Variants in OR2L13 observed in about 807,000 individuals in gnomAD.
OR2L13 encodes olfactory receptor 2L13.
OR2L13 carries 14 observed loss-of-function variants against 15.3 expected under a neutral mutation model. The observed-to-expected ratio is 0.91, with a 90% CI of 0.60 to 1.43. The LOEUF (loss-of-function observed/expected upper bound fraction) is 1.43, where lower values mean the gene tolerates loss of function less well. Among genes scored for constraint, OR2L13 ranks in the 40% most tolerant of loss-of-function variants. OR2L13 has a pLI of 0.00. For missense variants in OR2L13, 367 were observed against 387.9 expected (o/e 0.95, Z 0.45); for synonymous variants, 152 against 142.9 (o/e 1.06, Z -0.45).
chr1:248,061,088 G>T, the OR2L13 span: 1 of 1,613,986 alleles, frequency 6.2e-7, no homozygotes, highest in East Asian at 2.2e-5. Flanking sequence ...ATCCGCATGA[G>T]CAAAAGAATG....
chr1:247,967,909 CTCTTCT>C, the OR2L13 span, among the ~76,000 whole-genome samples: 1 of 150,992 alleles, frequency 6.6e-6, no homozygotes, highest in African/African-American at 2.4e-5. Context: ...CGTCCTCTTC[CTCTTCT>C]TCTTCTTCCT....
At chr1:247,970,220 G>T in the OR2L13 span, among the ~76,000 whole-genome samples, 5 of 151,648 alleles carry the variant, frequency 3.3e-5, no homozygotes, top group Non-Finnish European at 5.9e-5. Flanking sequence ...CCATTTTATA[G>T]TCTCTCATAT....
At chr1:248,077,193 C>T in the OR2L13 span, among the ~76,000 whole-genome samples, 1 of 152,110 alleles carries the variant, frequency 6.6e-6, no homozygotes, top group Non-Finnish European at 1.5e-5. Context: ...GGATGAAGCC[C>T]ACTTGATCAT....
chr1:248,022,154 C>T, the OR2L13 span: 1 of 1,613,904 alleles, frequency 6.2e-7, no homozygotes, highest in Non-Finnish European at 8.5e-7. Context: ...CCCTCATTGA[C>T]CTAAATTACA....
chr1:248,073,156 G>A, the OR2L13 span, among the ~76,000 whole-genome samples: 4 of 151,996 alleles, frequency 2.6e-5, no homozygotes, highest in African/African-American at 2.4e-5. Context: ...AAATCATGCT[G>A]CTATAAAGAC....
the OR2L13 span, among the ~76,000 whole-genome samples, chr1:248,082,451 A>G: frequency 6.6e-6 from 1 of 150,714 alleles, no homozygotes; most frequent in Non-Finnish European, 1.5e-5. Context: ...ATACATATGT[A>G]ACTAACCTGC....
the OR2L13 span, among the ~76,000 whole-genome samples, chr1:248,059,659 T>A: frequency 6.6e-6 from 1 of 152,222 alleles, no homozygotes; most frequent in South Asian, 2.1e-4. Flanking sequence ...GATAACTGAC[T>A]AAATAATTGA....
At chr1:247,999,145 A>G in the OR2L13 span, among the ~76,000 whole-genome samples, 1 of 152,154 alleles carries the variant, frequency 6.6e-6, no homozygotes, top group Non-Finnish European at 1.5e-5. Context: ...GTAATTATAA[A>G]CTACAGGGTC....
chr1:248,022,030 T>C, the OR2L13 span: 1 of 1,613,972 alleles, frequency 6.2e-7, no homozygotes, highest in Non-Finnish European at 8.5e-7. Flanking sequence ...TTCCTCTTCA[T>C]TCTCTTTGTT....
At chr1:248,056,268 T>C in the OR2L13 span, among the ~76,000 whole-genome samples, 1 of 152,156 alleles carries the variant, frequency 6.6e-6, no homozygotes, top group East Asian at 1.9e-4. Flanking sequence ...GTCTTGATAG[T>C]GGTCTACCTA....
chr1:248,064,184 T>C, the OR2L13 span, among the ~76,000 whole-genome samples: 2 of 152,154 alleles, frequency 1.3e-5, no homozygotes, highest in Non-Finnish European at 2.9e-5. Flanking sequence ...TAACCCTCAA[T>C]GTCATAGTAT....
chr1:248,062,609 T>C, the OR2L13 span: 1 of 152,232 alleles, frequency 6.6e-6, no homozygotes, highest in Non-Finnish European at 1.5e-5. Flanking sequence ...GGATGGCTAA[T>C]AGTTGCAAAA....
chr1:248,060,613 GA>G, the OR2L13 span: 1 of 1,294,740 alleles, frequency 7.7e-7, no homozygotes, highest in Non-Finnish European at 1.1e-6. Context: ...ATTCCCTGCA[GA>G]TAAAGACGAA....
At chr1:248,073,640 A>G in the OR2L13 span, among the ~76,000 whole-genome samples, 4 of 151,526 alleles carry the variant, frequency 2.6e-5, no homozygotes, top group East Asian at 7.7e-4. Flanking sequence ...AATAAAATAA[A>G]AAAGAATTAA....
chr1:248,050,286 T>G, the OR2L13 span, among the ~76,000 whole-genome samples: 4 of 152,002 alleles, frequency 2.6e-5, no homozygotes, highest in African/African-American at 7.2e-5. Context: ...TAAAAGCAAG[T>G]GAAGATGTTT....
At chr1:248,001,790 T>C in the OR2L13 span, among the ~76,000 whole-genome samples, 83 of 152,186 alleles carry the variant, frequency 5.5e-4, 1 homozygote, top group African/African-American at 1.9e-3. Flanking sequence ...ACATTGGCAG[T>C]CCTAAAACAC....
the OR2L13 span, among the ~76,000 whole-genome samples, chr1:248,071,505 C>G: frequency 0.012 from 1,878 of 152,142 alleles, 46 homozygotes; most frequent in African/African-American, 0.043. Flanking sequence ...CTATGACAAA[C>G]CCACAGCCAA....
At chr1:247,979,008 T>G in the OR2L13 span, among the ~76,000 whole-genome samples, 1 of 152,094 alleles carries the variant, frequency 6.6e-6, no homozygotes, top group Non-Finnish European at 1.5e-5. Flanking sequence ...TAGTCTTGAG[T>G]CATGACCTAT....
At chr1:247,999,318 C>G in the OR2L13 span, among the ~76,000 whole-genome samples, 1 of 152,094 alleles carries the variant, frequency 6.6e-6, no homozygotes, top group African/African-American at 2.4e-5. Flanking sequence ...TAATCAGTTT[C>G]TATATATCCA....
Sources: allele counts gnomAD v4.1 joint callset (sites outside exome capture counted in the v4.1 genomes callset), GRCh38; gene constraint gnomAD v4.1.1; transcripts MANE v1.5; gene names NCBI Gene and HGNC (gene_info 2026-07-23, HGNC 2026-07-21).